Variants in FDFT1 observed in about 807,000 individuals in gnomAD.
The protein encoded by FDFT1 is farnesyl-diphosphate farnesyltransferase 1.
FDFT1 carries 68 observed loss-of-function variants against 46.8 expected under a neutral mutation model. That is an observed-to-expected ratio of 1.45 (90% CI 1.19 to 1.78). FDFT1 has a LOEUF of 1.78. Among genes scored for constraint, FDFT1 ranks in the 40% most tolerant of loss-of-function variants. FDFT1 has a pLI of 0.00. For missense variants in FDFT1, 928 were observed against 524.4 expected, an observed-to-expected ratio of 1.77 and a Z score of -7.52; for synonymous variants, 351 against 185.1, an observed-to-expected ratio of 1.90 and a Z score of -7.28.
At chr8:11,808,432 G>A in intron 1 of FDFT1, 3 of 1,268,436 alleles carry the variant, frequency 2.4e-6, no homozygotes, top group Non-Finnish European at 3.0e-6. Context: ...TTCGAGTAGA[G>A]GGCGAGCCCG....
At chr8:11,827,885 CA>C (rs1810221561) in intron 5 of FDFT1, among the ~76,000 whole-genome samples, 2 of 145,288 alleles carry the variant, frequency 1.4e-5, no homozygotes, top group African/African-American at 5.1e-5. Context: ...TAAAACAAAA[CA>C]AAACAAAACA....
intron 1 of FDFT1, chr8:11,808,396 C>T (rs1333737342): frequency 3.2e-6 from 4 of 1,235,736 alleles, no homozygotes; most frequent in Non-Finnish European, 4.0e-6. Context: ...GCGGGGCGGG[C>T]CCGTTGTGGG....
At chr8:11,823,884 T>C (rs986635394) in intron 4 of FDFT1, among the ~76,000 whole-genome samples, 1 of 152,072 alleles carries the variant, frequency 6.6e-6, no homozygotes, top group Admixed American at 6.6e-5. Flanking sequence ...GCTGGGACTA[T>C]AGGTCCACAC....
chr8:11,810,263 T>C (rs1373166035), intron 3 of FDFT1, among the ~76,000 whole-genome samples: 1 of 152,182 alleles, frequency 6.6e-6, no homozygotes, highest in African/African-American at 2.4e-5. Context: ...TGTGAAAGAT[T>C]CTCAGGCTAG....
chr8:11,809,216 T>G lies in FDFT1; in HGVS notation c.197+325T>G, dbSNP rs1456154294. On this transcript the variant is annotated intron_variant, in intron 2 of 7. Coordinates refer to ENST00000220584, the MANE Select transcript of FDFT1 (RefSeq NM_004462.5). ...CCCTTATCCAACTTTGCATTTCTAT[T>G]TCTAGCATATTGGGTTGATTCTTTT... 5.9e-6 allele frequency: 7 copies of G among 1,188,290 alleles called. No homozygotes were observed. In the East Asian group the frequency reaches 2.4e-4, roughly 41 times the overall value. 73.6% of individuals were successfully genotyped at this position (1,188,290 alleles called of 1,614,324 possible). A position where few individuals can be genotyped will look rare whatever the true frequency, so the allele number is the denominator to read the frequency against.
At chr8:11,821,919 C>T (rs1809308143) in intron 4 of FDFT1, 41 bp downstream of exon 4, 4 of 1,598,754 alleles carry the variant, frequency 2.5e-6, no homozygotes, top group African/African-American at 1.3e-5. Flanking sequence ...ATGTATTAGA[C>T]AGAGCTGGCA....
intron 4 of FDFT1, among the ~76,000 whole-genome samples, chr8:11,822,611 AG>A (rs1185263204): frequency 6.6e-6 from 1 of 152,128 alleles, no homozygotes; most frequent in Non-Finnish European, 1.5e-5. Context: ...CCCAGGAGTT[AG>A]ACACAAGCCT....
At chr8:11,797,059 G>C (rs1196201024) in intron 1 of FDFT1, among the ~76,000 whole-genome samples, 3 of 152,180 alleles carry the variant, frequency 2.0e-5, no homozygotes, top group African/African-American at 7.2e-5. Context: ...TGGGTTGTTG[G>C]GTCATTGCCA....
Position 11,838,442 on chromosome 8 carries a change from A to C in FDFT1, c.1087A>C (p.Ile363Leu), listed in dbSNP as rs759430126. 6 of 1,610,952 alleles carry C rather than the reference A, an allele frequency of 3.7e-6. 1 individual carries two copies. The highest frequency in any genetic ancestry group is 3.4e-5 in the Admixed American group (2 of 59,536). Reference protein sequence around the residue: ...DPSSSKTRQIISTIRTQNLPN... With the variant: ...DPSSSKTRQILSTIRTQNLPN... ...ATCTTCTAGCAAAACAAGGCAGATC[A>C]TCTCCACCATCCGGACGCAGAATCT... Residue 363 changes from isoleucine to leucine, a missense_variant, in exon 8 of 8, where the codon ATC (isoleucine) becomes CTC (leucine). By Grantham distance (5) the Ile-to-Leu change is conservative (BLOSUM62 2). Transcript: ENST00000220584.
intron 5 of FDFT1, among the ~76,000 whole-genome samples, chr8:11,827,742 A>C (rs76223402): frequency 1.1e-3 from 172 of 152,282 alleles, no homozygotes; most frequent in African/African-American, 3.9e-3. Flanking sequence ...AGAAAAATTC[A>C]CATTTAAACT....
chr8:11,826,103 TTGG>T lies in FDFT1; in HGVS notation c.593_595del (p.Gly198del). 6.2e-7 allele frequency: 1 copy of T among 1,611,010 alleles called. No individual in the cohort carries two copies. On this transcript the variant is annotated inframe_deletion, in exon 5 of 8. Transcript: ENST00000220584. ...GCCTCAGAGTTTGAAGACCCCTTAG[TTGG>T]TGAAGATACAGAACGTGCCAACTCT... is the stretch of plus-strand genomic sequence containing the variant.
chr8:11,815,829 C>G (rs1436407734), intron 3 of FDFT1, among the ~76,000 whole-genome samples: 2 of 152,132 alleles, frequency 1.3e-5, no homozygotes, highest in Admixed American at 6.5e-5. Flanking sequence ...GCCTTTTACT[C>G]TGATGATAGT....
At chr8:11,802,991 G>A in intron 1 of FDFT1, 60 bp downstream of exon 1, 2 of 1,543,518 alleles carry the variant, frequency 1.3e-6, no homozygotes, top group East Asian at 2.4e-5. Flanking sequence ...CCGGCCTCAG[G>A]GCCTGAGCGG....
chr8:11,803,325 A>C, intron 1 of FDFT1: 1 of 1,295,510 alleles, frequency 7.7e-7, no homozygotes, highest in South Asian at 1.2e-5. Flanking sequence ...TATGCAGATA[A>C]CATCACATGA....
upstream of FDFT1, chr8:11,802,168 C>G: frequency 2.2e-6 from 1 of 446,820 alleles, no homozygotes; most frequent in South Asian, 1.6e-5. Flanking sequence ...GGCTGGATGG[C>G]GGTGGCGGGC....
upstream of FDFT1, chr8:11,802,646 G>A (rs1806268218): frequency 2.0e-5 from 12 of 601,796 alleles, no homozygotes; most frequent in Non-Finnish European, 3.0e-5. Flanking sequence ...CGAGGCCGCA[G>A]CTAGCCCCGC....
At chr8:11,803,049 T>G (rs1461061756) in intron 1 of FDFT1, 118 bp downstream of exon 1, 1 of 1,467,238 alleles carries the variant, frequency 6.8e-7, no homozygotes, top group Non-Finnish European at 9.0e-7. Flanking sequence ...GGCCGACGCC[T>G]GGGTGTTCCC....
At chr8:11,802,453 G>A (rs772111806), upstream of FDFT1, 2 of 463,952 alleles carry the variant, frequency 4.3e-6, no homozygotes, top group South Asian at 1.5e-5. Context: ...GCTCCCAGCC[G>A]GGGTAAGCGG....
At chr8:11,834,703 C>T (rs759252513) in intron 7 of FDFT1, among the ~76,000 whole-genome samples, 89 of 152,194 alleles carry the variant, frequency 5.8e-4, no homozygotes, top group Non-Finnish European at 1.2e-3. Context: ...ATTCCATATT[C>T]GCAGTTGTAA....
Sources: allele counts gnomAD v4.1 joint callset (sites outside exome capture counted in the v4.1 genomes callset), GRCh38; gene constraint gnomAD v4.1.1; transcripts MANE v1.5; gene names NCBI Gene and HGNC (gene_info 2026-07-23, HGNC 2026-07-21).